ZNG1F: variants seen among roughly 807,000 people sequenced by gnomAD.
ZNG1F encodes zinc-regulated GTPase metalloprotein activator 1F.
the ZNG1F span, among the ~76,000 whole-genome samples, chr9:41,134,308 G>GA: frequency 8.0e-5 from 9 of 112,504 alleles, no homozygotes; most frequent in African/African-American, 2.4e-4. Context: ...ATCTTTAACT[G>GA]AATAAGCATG....
chr9:41,203,407 C>G, the ZNG1F span, among the ~76,000 whole-genome samples: 1 of 151,594 alleles, frequency 6.6e-6, no homozygotes, highest in African/African-American at 2.4e-5. Flanking sequence ...ACAGTTGTGC[C>G]ACAATCATCC....
At chr9:41,183,853 T>C in the ZNG1F span, among the ~76,000 whole-genome samples, 5 of 148,938 alleles carry the variant, frequency 3.4e-5, no homozygotes, top group Non-Finnish European at 3.0e-5. Flanking sequence ...TTTTAGCTTT[T>C]ATTTAAGATG....
At chr9:41,166,168 C>T in the ZNG1F span, among the ~76,000 whole-genome samples, 8 of 108,806 alleles carry the variant, frequency 7.4e-5, 1 homozygote, top group South Asian at 1.0e-3. Flanking sequence ...GAGGCCGAGG[C>T]GGGTGGATCA....
chr9:41,203,239 G>C, the ZNG1F span, among the ~76,000 whole-genome samples: 1 of 152,160 alleles, frequency 6.6e-6, no homozygotes, highest in South Asian at 2.1e-4. Context: ...AGTACCTGAT[G>C]GGGAGATACT....
At chr9:41,151,395 A>T in the ZNG1F span, among the ~76,000 whole-genome samples, 4 of 150,246 alleles carry the variant, frequency 2.7e-5, 1 homozygote, top group Middle Eastern at 6.4e-3. Context: ...TGAAAGTGAC[A>T]GGGAGAATGG....
chr9:41,184,432 C>A, the ZNG1F span, among the ~76,000 whole-genome samples: 1 of 80,938 alleles, frequency 1.2e-5, no homozygotes, highest in East Asian at 3.9e-4. Flanking sequence ...AGCGAGACTC[C>A]ATCTCAAAAA....
chr9:41,137,349 T>A, the ZNG1F span, among the ~76,000 whole-genome samples: 2 of 145,028 alleles, frequency 1.4e-5, no homozygotes, highest in African/African-American at 5.1e-5. Context: ...TTGATATAAT[T>A]TTAATTTTCT....
the ZNG1F span, among the ~76,000 whole-genome samples, chr9:41,144,551 T>C: frequency 6.9e-6 from 1 of 145,156 alleles, no homozygotes; most frequent in Admixed American, 7.1e-5. Context: ...CCAAAATGAA[T>C]ACAAATGCAA....
the ZNG1F span, among the ~76,000 whole-genome samples, chr9:41,156,200 A>C: frequency 2.5e-5 from 3 of 121,860 alleles, no homozygotes; most frequent in Non-Finnish European, 5.0e-5. Flanking sequence ...AGGAAAATGC[A>C]ATATGATTTC....
At chr9:41,185,636 G>A in the ZNG1F span, among the ~76,000 whole-genome samples, 3 of 151,852 alleles carry the variant, frequency 2.0e-5, no homozygotes, top group African/African-American at 7.3e-5. Context: ...TTGCACCACT[G>A]CACTCCAGCC....
chr9:41,184,437 C>CAA, the ZNG1F span, among the ~76,000 whole-genome samples: 17 of 93,128 alleles, frequency 1.8e-4, no homozygotes, highest in South Asian at 3.7e-4. Context: ...GACTCCATCT[C>CAA]AAAAAAAAAA....
the ZNG1F span, among the ~76,000 whole-genome samples, chr9:41,184,625 C>T: frequency 6.9e-6 from 1 of 144,784 alleles, no homozygotes. Context: ...AATGAGCTCC[C>T]ATAAAATCGA....
At chr9:41,151,365 C>A in the ZNG1F span, among the ~76,000 whole-genome samples, 1 of 149,960 alleles carries the variant, frequency 6.7e-6, no homozygotes, top group Non-Finnish European at 1.5e-5. Context: ...AAGACCAAAT[C>A]TACATCTGAT....
the ZNG1F span, among the ~76,000 whole-genome samples, chr9:41,156,092 G>A: frequency 7.8e-6 from 1 of 128,852 alleles, no homozygotes; most frequent in African/African-American, 3.1e-5. Context: ...TGTATTTCAT[G>A]CATTTTCTCA....
chr9:41,152,595 C>G, the ZNG1F span, among the ~76,000 whole-genome samples: 2,795 of 140,936 alleles, frequency 0.02, 1 homozygote, highest in Middle Eastern at 0.049. Context: ...TGACCACATA[C>G]TTGGAAGTAA....
At chr9:41,171,718 T>C in the ZNG1F span, 1 of 313,320 alleles carries the variant, frequency 3.2e-6, no homozygotes, top group Non-Finnish European at 5.4e-6. Flanking sequence ...GCCACTGCAC[T>C]CCAGCCTGGG....
the ZNG1F span, among the ~76,000 whole-genome samples, chr9:41,195,743 T>C: frequency 1.6e-5 from 1 of 64,370 alleles, no homozygotes; most frequent in Non-Finnish European, 3.6e-5. Context: ...TGAAAAAAAA[T>C]GTTTTGCAAT....
At chr9:41,168,483 C>A in the ZNG1F span, among the ~76,000 whole-genome samples, 4 of 30,252 alleles carry the variant, frequency 1.3e-4, 2 homozygotes, top group Admixed American at 1.1e-3. Flanking sequence ...TGCTAACAGA[C>A]CTTGGAATGG....
chr9:41,137,369 T>C, the ZNG1F span, among the ~76,000 whole-genome samples: 1 of 145,718 alleles, frequency 6.9e-6, no homozygotes, highest in Non-Finnish European at 1.5e-5. Context: ...TTAAAATTTA[T>C]TGAGGCTCAT....
Sources: allele counts gnomAD v4.1 joint callset (sites outside exome capture counted in the v4.1 genomes callset), GRCh38; gene constraint gnomAD v4.1.1; transcripts MANE v1.5; gene names NCBI Gene and HGNC (gene_info 2026-07-23, HGNC 2026-07-21).